The following ADD2 variants were observed in gnomAD, a reference collection of about 807,000 sequenced individuals.
ADD2 encodes the protein adducin 2, also known as beta-adducin.
In ADD2, 23 loss-of-function variants were observed where a neutral mutation model predicts 83.0. That is an observed-to-expected ratio of 0.28 (90% CI 0.20 to 0.39). ADD2 has a LOEUF of 0.39. ADD2 is among the 10% of genes least tolerant of loss of function. ADD2 has a pLI of 1.00. For synonymous variants in ADD2, 375 were observed against 375.4 expected (o/e 1.00, Z 0.01); for missense variants, 758 against 944.9 (o/e 0.80, Z 2.59).
chr2:70,757,383 A>G (rs1558583517), intron 1 of ADD2, among the ~76,000 whole-genome samples: 1 of 152,128 alleles, frequency 6.6e-6, no homozygotes, highest in Admixed American at 6.6e-5. Context: ...TGCCTTAAAA[A>G]CTAAAAGTTT....
chr2:70,682,956 TAA>T (rs1197054799), intron 10 of ADD2, among the ~76,000 whole-genome samples: 1 of 151,912 alleles, frequency 6.6e-6, no homozygotes, highest in East Asian at 1.9e-4. Context: ...ACTAACTATA[TAA>T]GAGGTATGAG....
intron 1 of ADD2, among the ~76,000 whole-genome samples, chr2:70,738,293 A>G (rs1181725260): frequency 1.3e-5 from 2 of 152,172 alleles, no homozygotes; most frequent in Admixed American, 1.3e-4. Context: ...CACACACAAA[A>G]TTAGATCATA....
chr2:70,723,912 G>A (rs1475347568), intron 1 of ADD2, among the ~76,000 whole-genome samples: 2 of 152,162 alleles, frequency 1.3e-5, no homozygotes, highest in African/African-American at 4.8e-5. Flanking sequence ...TAAATGCAAG[G>A]GGAGACCCCA....
In ADD2 at chr2:70,722,911, T is replaced by C. The variant is rs139528652; in HGVS notation, c.-153-9727A>G. ...TAGTACAGAGTAGGTGCTCGATCAA[T>C]GCTAGTTCCCATCCCCTATATTCTC... is the stretch of plus-strand genomic sequence containing the variant. On this transcript the variant is annotated intron_variant, in intron 1 of 15. Transcript: ENST00000264436. 1.8e-3 allele frequency among the ~76,000 whole-genome samples: 279 copies of C among 152,352 alleles called. 3 individuals are homozygous for C. Among genetic ancestry groups the C allele is most frequent in the South Asian group, 3.9e-3 (19 of 4,830 alleles).
chr2:70,767,790 C>G, intron 1 of ADD2, 96 bp downstream of exon 1: 1 of 1,501,908 alleles, frequency 6.7e-7, no homozygotes, highest in Non-Finnish European at 8.9e-7. Context: ...CCACCTGGGC[C>G]AAGCGGCTCC....
intron 1 of ADD2, among the ~76,000 whole-genome samples, chr2:70,716,465 C>T (rs1553376365): frequency 6.6e-6 from 1 of 152,154 alleles, no homozygotes; most frequent in South Asian, 2.1e-4. Flanking sequence ...CTGCCCCCTA[C>T]ACCCCCGCCC....
intron 15 of ADD2, among the ~76,000 whole-genome samples, chr2:70,666,093 C>T (rs564479109): frequency 2.0e-5 from 3 of 152,162 alleles, no homozygotes; most frequent in Non-Finnish European, 4.4e-5. Context: ...GGATTACAGG[C>T]GTGAGCCACT....
At chr2:70,712,910 G>C (rs1672272532) in intron 2 of ADD2, among the ~76,000 whole-genome samples, 156 bp downstream of exon 2, 1 of 152,186 alleles carries the variant, frequency 6.6e-6, no homozygotes, top group South Asian at 2.1e-4. Flanking sequence ...TTCTATGGTA[G>C]GTCTTGAGTC....
At chr2:70,670,930 G>A (rs17698433) in intron 15 of ADD2, among the ~76,000 whole-genome samples, 2,925 of 152,294 alleles carry the variant, frequency 0.019, 62 homozygotes, top group Admixed American at 0.055. Flanking sequence ...ACTCAACCGT[G>A]GGCCCCTCCA....
intron 1 of ADD2, among the ~76,000 whole-genome samples, chr2:70,716,614 C>T (rs1672482934): frequency 6.6e-6 from 1 of 152,186 alleles, no homozygotes; most frequent in Admixed American, 6.5e-5. Context: ...GGCCTGGTGC[C>T]AGTTAGGTGC....
At chr2:70,729,956 T>C (rs1299215110) in intron 1 of ADD2, among the ~76,000 whole-genome samples, 2 of 152,242 alleles carry the variant, frequency 1.3e-5, no homozygotes, top group African/African-American at 2.4e-5. Flanking sequence ...TTTTAATATA[T>C]GTAGCAAAAT....
intron 10 of ADD2, among the ~76,000 whole-genome samples, chr2:70,680,052 T>A (rs964758098): frequency 8.5e-5 from 13 of 152,182 alleles, no homozygotes; most frequent in African/African-American, 2.7e-4. Flanking sequence ...AAATGCAAGT[T>A]TTGAATTGTT....
rs1553369028 is a variant in ADD2, at chr2:70,678,953, T to C, written c.1134A>G (p.Arg378=). The change falls in exon 11 of 16, where the codon AGA becomes AGG. Residue 378 remains arginine, a synonymous_variant. Transcript: ENST00000264436. ...AGGGGTGGCGATACGTGTAACCTGTTCTGTAGCCCTATAAAGGACAAAAAT... is the reference window on the plus strand; with the variant it reads ...AGGGGTGGCGATACGTGTAACCTGTCCTGTAGCCCTATAAAGGACAAAAAT... The part of the protein sequence containing the change: ...LMRMLDNLGY[R]TGYTYRHPFV... The C allele has an allele frequency of 6.2e-7, 1 of 1,609,934 alleles. No individual in the cohort carries two copies. The highest frequency in any genetic ancestry group is 1.3e-5 in the African/African-American group (1 of 74,880).
intron 4 of ADD2, 58 bp downstream of exon 4, chr2:70,704,263 T>TGCGCCCCCCCCCCCCCCCCCCCCCC: frequency 1.1e-6 from 1 of 913,238 alleles, no homozygotes. Context: ...CTCCCTCTCT[T>TGCGCCCCCCCCCCCCCCCCCCCCCC]CCCCACCCCA....
Position 70,725,409 on chromosome 2 carries a change from T to A in ADD2, c.-153-12225A>T, listed in dbSNP as rs569691557. 2.1e-3 allele frequency among the ~76,000 whole-genome samples: 317 copies of A among 151,074 alleles called. 1 individual carries two copies. The highest frequency in any genetic ancestry group is 0.017 in the Middle Eastern group (5 of 290). The stretch of plus-strand genomic sequence containing the variant: ...TTCCTCCCCAACCCCCTGCCAAAAA[T>A]ATATATATATATATGTGTGTATGTC... On this transcript the variant is annotated intron_variant, in intron 1 of 15. Transcript: ENST00000264436.
Position 70,724,524 on chromosome 2 carries a change from G to A in ADD2, c.-153-11340C>T, listed in dbSNP as rs140651565. ...CACACACTATGCACGTGGGTTTCCCGGAGCTCAGGCCAGGTTGCATGGCTC... is the reference window on the plus strand; with the variant it reads ...CACACACTATGCACGTGGGTTTCCCAGAGCTCAGGCCAGGTTGCATGGCTC... On this transcript the variant is annotated intron_variant, in intron 1 of 15. Transcript: ENST00000264436. Among the ~76,000 whole-genome samples the A allele has an allele frequency of 4.6e-3, 692 of 152,080 alleles. 3 individuals carry two copies. The highest frequency in any genetic ancestry group is 0.016 in the African/African-American group (644 of 41,502).
intron 1 of ADD2, among the ~76,000 whole-genome samples, chr2:70,759,002 A>G (rs1034718491): frequency 1.3e-5 from 2 of 152,210 alleles, no homozygotes; most frequent in African/African-American, 4.8e-5. Flanking sequence ...CATGGAAACT[A>G]CTAGAATTGT....
intron 1 of ADD2, among the ~76,000 whole-genome samples, chr2:70,734,041 G>A (rs1471800137): frequency 2.6e-5 from 4 of 152,066 alleles, no homozygotes; most frequent in Admixed American, 2.0e-4. Flanking sequence ...TTCTCCTGCC[G>A]GGACCTGCTA....
Position 70,672,875 on chromosome 2 carries a change from C to T in ADD2, c.1870+3G>A, listed in dbSNP as rs1669967711. 4 of 1,610,848 alleles carry T rather than the reference C, an allele frequency of 2.5e-6. No homozygotes were observed. In the East Asian group the frequency reaches 6.7e-5, roughly 27 times the overall value. On this transcript the variant is annotated splice_donor_region_variant and intron_variant, in intron 15 of 15. Coordinates refer to ENST00000264436, the MANE Select transcript of ADD2 (RefSeq NM_001617.4). ...CCCTCCCAGCCTACTCAGCTGGACTCACCCTCTAAAGACTTGGAAGGAGAG... is the reference window on the plus strand; with the variant it reads ...CCCTCCCAGCCTACTCAGCTGGACTTACCCTCTAAAGACTTGGAAGGAGAG...
Sources: gnomAD v4.1 joint callset for allele counts (sites outside exome capture counted in the v4.1 genomes callset) on GRCh38, gnomAD v4.1.1 for gene constraint, MANE v1.5 for transcripts, NCBI Gene and HGNC (gene_info 2026-07-23, HGNC 2026-07-21) for gene names.